Variants in DNAH2 observed in about 807,000 individuals in gnomAD.
DNAH2 encodes the protein dynein axonemal heavy chain 2.
In DNAH2, 323 loss-of-function variants were observed where a neutral mutation model predicts 523.5. The ratio of observed to expected loss-of-function variants is 0.62; its 90% CI spans 0.56 to 0.68. DNAH2 has a LOEUF of 0.68. DNAH2 is among the 30% of genes least tolerant of loss of function. The probability of loss-of-function intolerance (pLI) is 0.00; values close to 1 mark genes in which losing one functional copy is unlikely to be tolerated. For synonymous variants in DNAH2, 2,093 were observed against 2,177.4 expected (o/e 0.96, Z 1.08); for missense variants, 4,907 against 5,701.5 (o/e 0.86, Z 4.49).
intron 12 of DNAH2, among the ~76,000 whole-genome samples, chr17:7,748,353 G>A (rs1420841195): frequency 1.3e-5 from 2 of 152,154 alleles, no homozygotes; most frequent in African/African-American, 2.4e-5. Context: ...CCCGGTCACA[G>A]AGTGCCTTTT....
At position 7,832,225 on chromosome 17, in the gene DNAH2, G is replaced by C. The variant is rs1197896946; in HGVS notation, c.12727-354G>C. Among the ~76,000 whole-genome samples the C allele has an allele frequency of 6.6e-6, 1 of 152,076 alleles. No individual in the cohort carries two copies. Among genetic ancestry groups the C allele is most frequent in the African/African-American group, 2.4e-5 (1 of 41,398 alleles). The stretch of plus-strand genomic sequence containing the variant: ...CTTCAGGTGCTCAAAATAAGGATTT[G>C]GGCTGGACGCGGTGGCTCATGCCTG... On this transcript the variant is annotated intron_variant, in intron 82 of 85. Coordinates refer to ENST00000572933, the MANE Select transcript of DNAH2 (RefSeq NM_020877.5). This position sits in a 1 kb window ranked among gnomAD's most constrained non-coding sequence, Gnocchi z 4.3.
chr17:7,797,858 CCCA>C (rs772014733), intron 53 of DNAH2, 29 bp downstream of exon 53: 1 of 1,586,596 alleles, frequency 6.3e-7, no homozygotes, highest in South Asian at 1.2e-5. Flanking sequence ...TATCCCCTTC[CCCA>C]TCATCTCAGT....
intron 39 of DNAH2, among the ~76,000 whole-genome samples, chr17:7,783,078 T>A (rs2076644282): frequency 1.3e-5 from 2 of 152,058 alleles, no homozygotes; most frequent in African/African-American, 4.8e-5. Flanking sequence ...TTTTGTTTTG[T>A]TTTGTTTTGT....
chr17:7,819,056 C>A lies in DNAH2; in HGVS notation c.10808C>A (p.Ala3603Glu). The A allele has an allele frequency of 6.2e-7, 1 of 1,604,362 alleles. No individual in the cohort carries two copies. Among genetic ancestry groups the A allele is most frequent in the Non-Finnish European group, 8.5e-7 (1 of 1,178,570 alleles). Reference protein sequence around the residue: ...SETTEINTDLAREAYRPCAQR... With the variant: ...SETTEINTDLEREAYRPCAQR... ...ACCACAGAGATCAACACTGACTTGGCGCGGGAGGTAAGCTCCCGGCCCTCC... is the reference window on the plus strand; with the variant it reads ...ACCACAGAGATCAACACTGACTTGGAGCGGGAGGTAAGCTCCCGGCCCTCC... The change falls in exon 71 of 86, where the codon GCG becomes GAG. Residue 3603 changes from alanine (A) to glutamate (E), a missense_variant. Physicochemically the swap from Ala to Glu is moderately radical, Grantham distance 107 (BLOSUM62 -1). Coordinates refer to ENST00000572933, the MANE Select transcript of DNAH2 (RefSeq NM_020877.5).
At position 7,775,326 on chromosome 17, in the gene DNAH2, T is replaced by C. The variant is rs1379177636; in HGVS notation, c.4805T>C (p.Leu1602Ser). The part of the protein sequence containing the change: ...EYIDFLHSVF[L>S]EGPVESWLGD... Reference sequence around the variant, plus strand: ...ATTGACTTCCTCCACTCAGTATTTTTAGAAGGCCCTGTGGAGGTGAGTTGT... The same window carrying C: ...ATTGACTTCCTCCACTCAGTATTTTCAGAAGGCCCTGTGGAGGTGAGTTGT... Residue 1602 changes from leucine to serine, a missense_variant, in exon 30 of 86, where the codon TTA becomes TCA. Around this residue, in one of 3 missense-constraint regions of DNAH2, gnomAD observed 2,806 missense variants for 3,190.8 expected, o/e 0.88. Transcript: ENST00000572933. The C allele has an allele frequency of 6.2e-7, 1 of 1,612,106 alleles. No individual in the cohort carries two copies. Among genetic ancestry groups the C allele is most frequent in the African/African-American group, 1.3e-5 (1 of 74,992 alleles).
At position 7,818,964 on chromosome 17, in the gene DNAH2, G is replaced by T. The variant is rs1303943400; in HGVS notation, c.10716G>T (p.Leu3572=). The T allele has an allele frequency of 1.2e-6, 2 of 1,612,352 alleles. No individual in the cohort carries two copies. The highest frequency in any genetic ancestry group is 2.2e-5 in the South Asian group (2 of 91,072). The change falls in exon 71 of 86, where the codon CTG becomes CTT. Residue 3572 remains leucine, a synonymous_variant. Coordinates refer to ENST00000572933, the MANE Select transcript of DNAH2 (RefSeq NM_020877.5). ...GCTCCCTGCTGGATGATGTGCAGCT[G>T]GTGAACACGCTGCATACCTCCAAGA... ...ATGSLLDDVQ[L]VNTLHTSKIT... is the part of the protein sequence containing the mutation.
In DNAH2 at chr17:7,797,443, T is replaced by G. The variant is rs1394363911; in HGVS notation, c.7993T>G (p.Phe2665Val). ...RLVDAADTEA[F>V]MGIISDKLGS... ...GGTTGATGCGGCAGACACAGAAGCC[T>G]TCATGGGCATCATAAGCGACAAGCT... is the stretch of plus-strand genomic sequence containing the variant. The change falls in exon 52 of 86, where the codon TTC becomes GTC. Residue 2665 changes from phenylalanine to valine, a missense_variant. Physicochemically the swap from Phe to Val is conservative, Grantham distance 50. Transcript: ENST00000572933. The G allele has an allele frequency of 6.2e-7, 1 of 1,614,064 alleles. No individual in the cohort carries two copies. The highest frequency in any genetic ancestry group is 1.3e-5 in the African/African-American group (1 of 74,918).
chr17:7,813,069 G>A (rs12945781), intron 63 of DNAH2, among the ~76,000 whole-genome samples: 1 of 152,112 alleles, frequency 6.6e-6, no homozygotes, highest in African/African-American at 2.4e-5. Context: ...TGCCTCTAAA[G>A]AAGGAACCTG....
At chr17:7,819,497 C>T (rs1021257824) in intron 72 of DNAH2, 89 bp downstream of exon 72, 40 of 1,417,734 alleles carry the variant, frequency 2.8e-5, no homozygotes, top group Admixed American at 1.8e-4. Flanking sequence ...TCCCGCACCG[C>T]GGCTCTCAGC....
At chr17:7,740,587 G>A (rs897611534) in intron 10 of DNAH2, 38 bp downstream of exon 10, 9 of 1,607,356 alleles carry the variant, frequency 5.6e-6, no homozygotes, top group South Asian at 1.1e-5. Context: ...TTCCCGTCCC[G>A]CGTGCTTTCC....
At chr17:7,743,536 C>A (rs1597505279) in intron 12 of DNAH2, 1 of 601,868 alleles carries the variant, frequency 1.7e-6, no homozygotes. Context: ...CGTGGTGGCA[C>A]AAGCCTGTAG....
At position 7,782,877 on chromosome 17, in the gene DNAH2, C is replaced by A. The variant is rs201066831; in HGVS notation, c.6129+1710C>A. On this transcript the variant is annotated intron_variant, in intron 39 of 85. Transcript: ENST00000572933. ...CTTTCTCCAAAAGCTACTAGAAAAACGTGCTCTACTTAAACACAGGAACAC... is the reference window on the plus strand; with the variant it reads ...CTTTCTCCAAAAGCTACTAGAAAAAAGTGCTCTACTTAAACACAGGAACAC... 2.2e-3 allele frequency among the ~76,000 whole-genome samples: 335 copies of A among 149,318 alleles called. 4 individuals are homozygous for A. In the East Asian group the frequency reaches 0.03, roughly 13 times the overall value.
Position 7,764,350 on chromosome 17 carries a change from G to A in DNAH2, c.3336+77G>A, listed in dbSNP as rs927216569. The A allele has an allele frequency of 3.2e-5, 48 of 1,520,324 alleles. 1 individual carries two copies. The African/African-American group carries it at 5.8e-4, about 18-fold the overall frequency. The allele number at this position is 1,520,324 out of a possible 1,614,324, so 94.2% of individuals were successfully genotyped here. A position where few individuals can be genotyped will look rare whatever the true frequency, so the allele number is the denominator to read the frequency against. On this transcript the variant is annotated intron_variant, in intron 20 of 85. Coordinates refer to ENST00000572933, the MANE Select transcript of DNAH2 (RefSeq NM_020877.5). ...GCGGGGGAGGCCCTTGGCTGTCCTCGGGGAGAGTAGAGAAGTGACAGCAGG... is the reference window on the plus strand; with the variant it reads ...GCGGGGGAGGCCCTTGGCTGTCCTCAGGGAGAGTAGAGAAGTGACAGCAGG...
rs1187165608 is a variant in DNAH2 at position 7,746,959 on chromosome 17, C to A, written c.1904+3817C>A. ...CCGAGAATGCGCCATTGCACTCCAG[C>A]CTGGGCAACAAGAGTGAAACTTTAT... On this transcript the variant is annotated intron_variant, in intron 12 of 85. Coordinates refer to ENST00000572933, the MANE Select transcript of DNAH2 (RefSeq NM_020877.5). Among the ~76,000 whole-genome samples the A allele has an allele frequency of 4.0e-5, 6 of 150,408 alleles. No homozygotes were observed. In the East Asian group the frequency reaches 1.2e-3, roughly 29 times the overall value.
At chr17:7,722,844 G>A (rs1188091417) in intron 2 of DNAH2, among the ~76,000 whole-genome samples, 1 of 152,006 alleles carries the variant, frequency 6.6e-6, no homozygotes, top group East Asian at 1.9e-4. Flanking sequence ...TGCTACGAAT[G>A]CTGTAATGCA....
chr17:7,818,492 G>C (rs758272303), intron 69 of DNAH2, 32 bp downstream of exon 69: 6 of 1,611,766 alleles, frequency 3.7e-6, no homozygotes, highest in Middle Eastern at 3.3e-4. Context: ...GACTGAGCTA[G>C]GGTGAAGCAG....
intron 39 of DNAH2, among the ~76,000 whole-genome samples, chr17:7,781,435 G>A (rs1159972708): frequency 6.6e-6 from 1 of 152,076 alleles, no homozygotes; most frequent in East Asian, 1.9e-4. Context: ...CTGAGATTGT[G>A]CCTCTGCACT....
At position 7,755,744 on chromosome 17, in the gene DNAH2, T is replaced by C. The variant is rs371776461; in HGVS notation, c.1905-1347T>C. On this transcript the variant is annotated intron_variant, in intron 12 of 85. Coordinates refer to ENST00000572933, the MANE Select transcript of DNAH2 (RefSeq NM_020877.5). ...GAACAGGAAGGAGGAGGCCACTGGA[T>C]ATGAGGTGGCAAAGGACACTTAAGA... Among the ~76,000 whole-genome samples the C allele has an allele frequency of 7.9e-5, 12 of 151,214 alleles. No homozygotes were observed. In the East Asian group the frequency reaches 1.8e-3, roughly 22 times the overall value.
intron 12 of DNAH2, among the ~76,000 whole-genome samples, chr17:7,749,030 C>A (rs373281911): frequency 6.6e-6 from 1 of 151,352 alleles, no homozygotes; most frequent in East Asian, 2.0e-4. Flanking sequence ...TTGCCTTGGC[C>A]GGATGCGGTG....
Sources: gnomAD v4.1 joint callset for allele counts (sites outside exome capture counted in the v4.1 genomes callset) on GRCh38, gnomAD v4.1.1 for gene constraint, gnomAD v4.1.1 regional missense constraint, Gnocchi (gnomAD v3.1) non-coding constraint, MANE v1.5 for transcripts, NCBI Gene and HGNC (gene_info 2026-07-23, HGNC 2026-07-21) for gene names.